Variants in PCDHGB2 observed in about 807,000 individuals in gnomAD.
The protein encoded by PCDHGB2 is protocadherin gamma subfamily B, 2.
Under a neutral mutation model 59.3 loss-of-function variants are expected in PCDHGB2, and 55 were observed. The observed-to-expected ratio is 0.93, with a 90% CI of 0.75 to 1.16. PCDHGB2 has a LOEUF of 1.16. Among genes scored for constraint, PCDHGB2 ranks in the 50% most tolerant of loss-of-function variants. The pLI, the probability that PCDHGB2 is intolerant of heterozygous loss-of-function variation, is 0.00. For missense variants in PCDHGB2, 1,228 were observed against 1,198.5 expected, an observed-to-expected ratio of 1.02 and a Z score of -0.36; for synonymous variants, 516 against 512.0, an observed-to-expected ratio of 1.01 and a Z score of -0.11.
At chr5:141,435,803 T>C (rs551682061) in intron 1 of PCDHGB2, among the ~76,000 whole-genome samples, 1 of 152,178 alleles carries the variant, frequency 6.6e-6, no homozygotes, top group South Asian at 2.1e-4. Context: ...ACGTCCCAAT[T>C]ATTTTTTCTT....
intron 1 of PCDHGB2, among the ~76,000 whole-genome samples, chr5:141,438,747 T>C (rs2098059577): frequency 6.7e-6 from 1 of 148,680 alleles, no homozygotes. Flanking sequence ...CTGCAACCTC[T>C]GCCTCCTGGG....
At position 141,373,421 on chromosome 5, in the gene PCDHGB2, G is replaced by A. The variant is rs139166526; in HGVS notation, c.2421+10865G>A. The stretch of plus-strand genomic sequence containing the variant: ...GCCTGTAGTCCCAGCTACTCGGGAG[G>A]CTGAGGTGGGAGGATCCCTTGATCC... On this transcript the variant is annotated intron_variant, in intron 1 of 3. Transcript: ENST00000522605. 4.0e-3 allele frequency among the ~76,000 whole-genome samples: 615 copies of A among 152,344 alleles called. 6 individuals carry two copies. The highest frequency in any genetic ancestry group is 0.011 in the Admixed American group (171 of 15,306).
intron 1 of PCDHGB2, chr5:141,413,447 C>T: frequency 2.5e-6 from 4 of 1,614,088 alleles, no homozygotes; most frequent in Non-Finnish European, 3.4e-6. Flanking sequence ...TTGATCACCG[C>T]GGGCAGGATA....
chr5:141,369,703 A>C (rs757750981), intron 1 of PCDHGB2, among the ~76,000 whole-genome samples: 1 of 152,372 alleles, frequency 6.6e-6, no homozygotes, highest in East Asian at 1.9e-4. Context: ...AAAAGCTATG[A>C]CATTATAACT....
chr5:141,378,862 C>T (rs899917720), intron 1 of PCDHGB2: 2 of 152,096 alleles, frequency 1.3e-5, no homozygotes, highest in African/African-American at 4.8e-5. Flanking sequence ...CAATGATGTT[C>T]GAATAGAAAA....
chr5:141,383,480 T>C, intron 1 of PCDHGB2: 2 of 1,613,740 alleles, frequency 1.2e-6, no homozygotes, highest in Non-Finnish European at 1.7e-6. Context: ...TACCCGGAAC[T>C]GGTGCTGGAG....
At chr5:141,404,328 T>G (rs1300173055) in intron 1 of PCDHGB2, 3 of 1,613,902 alleles carry the variant, frequency 1.9e-6, no homozygotes, top group Non-Finnish European at 2.5e-6. Flanking sequence ...TCCTACTCAG[T>G]CTACCTCCCG....
Position 141,392,773 on chromosome 5 carries a change from G to A in PCDHGB2, c.2421+30217G>A, listed in dbSNP as rs767754110. Reference sequence around the variant, plus strand: ...AAGAAACTAAATAAGACCCATTTATGCACAGTGAAGATTCTGAGAGGATTC... The same window carrying A: ...AAGAAACTAAATAAGACCCATTTATACACAGTGAAGATTCTGAGAGGATTC... On this transcript the variant is annotated intron_variant, in intron 1 of 3. Transcript: ENST00000522605. 4 of 1,518,312 alleles carry A rather than the reference G, an allele frequency of 2.6e-6. No homozygotes were observed. In the African/African-American group the frequency reaches 5.6e-5, roughly 21 times the overall value. The allele number at this position is 1,518,312 out of a possible 1,614,324, so 94.1% of individuals were successfully genotyped here.
At chr5:141,497,553 T>C (rs2099777684) in intron 2 of PCDHGB2, among the ~76,000 whole-genome samples, 1 of 151,326 alleles carries the variant, frequency 6.6e-6, no homozygotes, top group South Asian at 2.1e-4. Context: ...TTTTTTTTTT[T>C]TTTTTAGACA....
chr5:141,384,666 C>CA, intron 1 of PCDHGB2: 2 of 1,614,220 alleles, frequency 1.2e-6, no homozygotes, highest in Non-Finnish European at 1.7e-6. Flanking sequence ...ACCTGGTGAC[C>CA]AAGGTGGTGG....
chr5:141,426,523 G>A (rs1018320941), intron 1 of PCDHGB2: 14 of 342,474 alleles, frequency 4.1e-5, no homozygotes, highest in African/African-American at 3.0e-4. Flanking sequence ...CGTGAACACG[G>A]AGAATGGGAA....
intron 1 of PCDHGB2, chr5:141,427,796 C>A: frequency 6.7e-7 from 1 of 1,502,108 alleles, no homozygotes; most frequent in Non-Finnish European, 9.2e-7. Flanking sequence ...CCTACGTGTC[C>A]GTGAGCGCAC....
chr5:141,420,238 T>C, intron 1 of PCDHGB2: 2 of 1,594,838 alleles, frequency 1.3e-6, no homozygotes, highest in South Asian at 1.1e-5. Context: ...GCATTTTAAC[T>C]CCCAGCGTTG....
chr5:141,444,561 GA>G (rs778707459), intron 1 of PCDHGB2, among the ~76,000 whole-genome samples: 17 of 152,098 alleles, frequency 1.1e-4, no homozygotes, highest in Non-Finnish European at 2.1e-4. Context: ...GCACTTATTT[GA>G]CACTTTTGAC....
intron 1 of PCDHGB2, chr5:141,408,814 A>G (rs1473137465): frequency 6.8e-6 from 11 of 1,613,456 alleles, no homozygotes; most frequent in Non-Finnish European, 8.5e-6. Context: ...ACCGGGAAGA[A>G]CAGAGATCTC....
intron 1 of PCDHGB2, chr5:141,374,104 T>C (rs200348921): frequency 1.6e-4 from 247 of 1,570,492 alleles, no homozygotes; most frequent in African/African-American, 4.1e-5. Context: ...CGCAGAGGCA[T>C]CCGCAGCGCA....
chr5:141,398,689 G>A (rs6867460), intron 1 of PCDHGB2: 228,699 of 1,613,720 alleles, frequency 0.14, 18,438 homozygotes, highest in African/African-American at 0.32. Context: ...GAAACAGGAT[G>A]GTAGTAAATA....
At chr5:141,421,921 G>T in intron 1 of PCDHGB2, 1 of 1,613,644 alleles carries the variant, frequency 6.2e-7, no homozygotes, top group Non-Finnish European at 8.5e-7. Context: ...CATTCGTGTG[G>T]TGGTCCTCGA....
chr5:141,414,938 C>G (rs1407853248), intron 1 of PCDHGB2: 1 of 1,614,116 alleles, frequency 6.2e-7, no homozygotes, highest in Admixed American at 1.7e-5. Flanking sequence ...TCCGCAGAGC[C>G]CGGCTACCTG....
Sources: gnomAD v4.1 joint callset for allele counts (sites outside exome capture counted in the v4.1 genomes callset) on GRCh38, gnomAD v4.1.1 for gene constraint, MANE v1.5 for transcripts, NCBI Gene and HGNC (gene_info 2026-07-23, HGNC 2026-07-21) for gene names.